The following NAT1 variants were observed in gnomAD, a reference collection of about 807,000 sequenced individuals.
NAT1 encodes the protein N-acetyltransferase 1.
For synonymous variants in NAT1, 144 were observed against 122.6 expected (o/e 1.17, Z -1.16); for missense variants, 400 against 339.2 (o/e 1.18, Z -1.41).
intron 2 of NAT1, among the ~76,000 whole-genome samples, chr8:18,185,189 G>T (rs1802686046): frequency 6.6e-6 from 1 of 152,024 alleles, no homozygotes; most frequent in Non-Finnish European, 1.5e-5. Flanking sequence ...AGAAGTTAGG[G>T]GAAGAGTTCT....
intron 1 of NAT1, 79 bp from the exon 2 acceptor site, chr8:18,219,332 T>C (rs778605060): frequency 1.1e-6 from 1 of 931,390 alleles, no homozygotes; most frequent in Non-Finnish European, 1.6e-6. Flanking sequence ...TCTTCATAAT[T>C]TACGGTCTAC....
rs529624755 is a variant in NAT1 at position 18,192,194 on chromosome 8, C to A, written n.93-17587C>A. ...AGTGGGCAAAGGATATGAACAGACA[C>A]TTCTCAAAAGAAGACATTTATGCAG... On this transcript the variant is annotated intron_variant and non_coding_transcript_variant, in intron 2 of 4. Coordinates refer to the NAT1 transcript ENST00000517441. 5.4e-3 allele frequency among the ~76,000 whole-genome samples: 826 copies of A among 152,144 alleles called. 6 individuals carry two copies. Among genetic ancestry groups the A allele is most frequent in the African/African-American group, 0.019 (768 of 41,468 alleles).
intron 2 of NAT1, among the ~76,000 whole-genome samples, chr8:18,199,427 T>G (rs1314392869): frequency 6.6e-6 from 1 of 152,092 alleles, no homozygotes; most frequent in East Asian, 1.9e-4. Context: ...CTTCCTTCCT[T>G]TTGCCATCTT....
upstream of NAT1, among the ~76,000 whole-genome samples, chr8:18,209,083 T>A (rs185372797): frequency 6.6e-6 from 1 of 152,314 alleles, no homozygotes; most frequent in Admixed American, 6.5e-5. Flanking sequence ...CAGGAGGCAG[T>A]GTTATACAAG....
intron 2 of NAT1, among the ~76,000 whole-genome samples, chr8:18,174,643 G>A (rs554033869): frequency 6.0e-4 from 92 of 152,084 alleles, no homozygotes; most frequent in African/African-American, 2.0e-3. Context: ...TTTAGAGGGC[G>A]GTTATTGTGA....
chr8:18,180,041 G>A (rs1481091970), intron 2 of NAT1, among the ~76,000 whole-genome samples: 8 of 152,106 alleles, frequency 5.3e-5, no homozygotes. Flanking sequence ...ATGCAGTAGG[G>A]GTCAGGTAAG....
intron 2 of NAT1, among the ~76,000 whole-genome samples, chr8:18,181,909 C>T (rs1802538620): frequency 6.6e-6 from 1 of 152,272 alleles, no homozygotes. Flanking sequence ...TAAATTCTCC[C>T]TCTCTAGGTT....
rs779386832 is a variant in NAT1, at chr8:18,222,714, TG to T, written c.668del (p.Cys223PhefsTer30). 1.9e-5 allele frequency: 30 copies of T among 1,614,104 alleles called. No homozygotes were observed. In the Middle Eastern group the frequency reaches 4.9e-4, roughly 27 times the overall value. ...ATCTGTGTTTACTAGTAAATCATTT[TG>T]TTCCTTGCAGACCCCAGATGGGGTT... The part of the protein sequence containing the change: ...PSSVFTSKSF[C>X]SLQTPDGVHC... On this transcript the variant is annotated frameshift_variant, in exon 3 of 3. Transcript: ENST00000307719. LOFTEE classifies it low-confidence loss of function (END_TRUNC).
chr8:18,207,253 C>G (rs925390228), upstream of NAT1, among the ~76,000 whole-genome samples: 13 of 152,144 alleles, frequency 8.5e-5, no homozygotes, highest in African/African-American at 3.1e-4. Context: ...TGTATCAGTA[C>G]CACGCTGTTT....
intron 2 of NAT1, among the ~76,000 whole-genome samples, chr8:18,187,606 G>A (rs941638400): frequency 6.6e-6 from 1 of 152,134 alleles, no homozygotes; most frequent in South Asian, 2.1e-4. Context: ...TGCAGGAACA[G>A]AAAACCAAAT....
At chr8:18,196,215 G>T (rs1803226779) in intron 2 of NAT1, among the ~76,000 whole-genome samples, 2 of 151,888 alleles carry the variant, frequency 1.3e-5, no homozygotes, top group Admixed American at 6.6e-5. Context: ...CCTCCAAAGT[G>T]CTAGGATTGC....
upstream of NAT1, among the ~76,000 whole-genome samples, chr8:18,205,854 C>T (rs1803692953): frequency 6.6e-6 from 1 of 152,106 alleles, no homozygotes; most frequent in South Asian, 2.1e-4. Context: ...TGTGGCCAGG[C>T]TGGGGCCCTG....
chr8:18,172,337 TAGCTTTTCA>T (rs1289504787), intron 2 of NAT1, among the ~76,000 whole-genome samples: 1 of 152,212 alleles, frequency 6.6e-6, no homozygotes, highest in Non-Finnish European at 1.5e-5. Flanking sequence ...TCCTCAACTT[TAGCTTTTCA>T]AACTGACTTC....
At chr8:18,219,148 G>A (rs1805011790) in intron 1 of NAT1, among the ~76,000 whole-genome samples, 1 of 152,020 alleles carries the variant, frequency 6.6e-6, no homozygotes, top group Non-Finnish European at 1.5e-5. Context: ...GCCTCGGGAG[G>A]CTGTGGAAGC....
At chr8:18,216,988 TTTCTGGGTCAG>T in intron 1 of NAT1, 1 of 1,550,198 alleles carries the variant, frequency 6.5e-7, no homozygotes. Flanking sequence ...GATCACCATG[TTTCTGGGTCAG>T]TACCCTGGAT....
chr8:18,195,037 G>C (rs1254709555), intron 2 of NAT1, among the ~76,000 whole-genome samples: 3 of 152,102 alleles, frequency 2.0e-5, no homozygotes, highest in African/African-American at 7.2e-5. Context: ...CAGTGGTCCA[G>C]AAAATGGTCA....
chr8:18,181,191 A>G (rs1802500380), intron 2 of NAT1, among the ~76,000 whole-genome samples: 1 of 151,950 alleles, frequency 6.6e-6, no homozygotes, highest in South Asian at 2.1e-4. Flanking sequence ...AATGTTTTAT[A>G]TTTTCCTTGT....
chr8:18,188,767 C>T (rs953828317), intron 2 of NAT1, among the ~76,000 whole-genome samples: 3 of 151,446 alleles, frequency 2.0e-5, no homozygotes, highest in South Asian at 2.1e-4. Context: ...GAGGCTGAGG[C>T]GGGTGGATCA....
At position 18,222,636 on chromosome 8, in the gene NAT1, C is replaced by A; in HGVS notation, c.589C>A (p.Arg197=). The change falls in exon 3 of 3, where the codon CGA becomes AGA. Residue 197 remains arginine (R), a synonymous_variant. Coordinates refer to ENST00000307719, the MANE Select transcript of NAT1 (RefSeq NM_000662.8). The part of the protein sequence containing the change: ...RKIYSFTLKP[R]TIEDFESMNT... ...AATCTACTCCTTTACTCTTAAGCCT[C>A]GAACAATTGAAGATTTTGAGTCTAT... 6.2e-7 allele frequency: 1 copy of A among 1,613,250 alleles called. No individual in the cohort carries two copies. The highest frequency in any genetic ancestry group is 8.5e-7 in the Non-Finnish European group (1 of 1,179,754).
Sources: gnomAD v4.1 joint callset for allele counts (sites outside exome capture counted in the v4.1 genomes callset) on GRCh38, gnomAD v4.1.1 for gene constraint, MANE v1.5 for transcripts, NCBI Gene and HGNC (gene_info 2026-07-23, HGNC 2026-07-21) for gene names.